ZNF28: variants seen among roughly 807,000 people sequenced by gnomAD.
ZNF28 encodes the protein zinc finger protein 28, also known as zinc finger protein KOX24.
Under a neutral mutation model 7.2 loss-of-function variants are expected in ZNF28, and 5 were observed. That is an observed-to-expected ratio of 0.70 (90% confidence interval 0.36 to 1.46). ZNF28 has a LOEUF of 1.46. Among genes scored for constraint, ZNF28 ranks in the 40% most tolerant of loss-of-function variants. ZNF28 has a pLI of 0.03. For synonymous variants in ZNF28, 288 were observed against 292.4 expected, an observed-to-expected ratio of 0.99 and a Z score of 0.15; for missense variants, 879 against 866.6, an observed-to-expected ratio of 1.01 and a Z score of -0.18.
In ZNF28 at chr19:52,801,016, C is replaced by T. The variant is rs1413481944; in HGVS notation, c.829G>A (p.Gly277Ser). The T allele has an allele frequency of 2.5e-6, 4 of 1,614,004 alleles. No individual in the cohort carries two copies. The East Asian group carries it at 6.7e-5, about 27-fold the overall frequency. The change falls in exon 4 of 4, where the codon GGC becomes AGC. Residue 277 changes from glycine to serine, a missense_variant. By Grantham distance (56) the Gly-to-Ser change is moderately conservative (BLOSUM62 0). Transcript: ENST00000457749. ...GATGTATTGTGACCAAAGATCTTGC[C>T]ACACTCATTACACTTGTAAGGTTTC... ...DEKPYKCNEC[G>S]KIFGHNTSLF...
In ZNF28 at chr19:52,801,062, A is replaced by G; in HGVS notation, c.783T>C (p.His261=). Residue 261 remains histidine, a synonymous_variant, in exon 4 of 4, where the codon CAT becomes CAC. Coordinates refer to ENST00000457749, the MANE Select transcript of ZNF28 (RefSeq NM_006969.5). ...VFNQKRYLAC[H]RRSHIDEKPY... ...GTTTCTCATCAATGTGAGATCTACG[A>G]TGGCATGCAAGGTATCGCTTCTGAT... The G allele has an allele frequency of 6.2e-7, 1 of 1,614,172 alleles. No homozygotes were observed. Among genetic ancestry groups the G allele is most frequent in the Non-Finnish European group, 8.5e-7 (1 of 1,180,032 alleles).
Position 52,815,641 on chromosome 19 carries a change from A to G in ZNF28, c.15+2303T>C, listed in dbSNP as rs997237993. Among the ~76,000 whole-genome samples, 59 of 146,316 alleles carry G rather than the reference A, an allele frequency of 4.0e-4. 5 individuals are homozygous for G. Among genetic ancestry groups the G allele is most frequent in the Middle Eastern group, 3.4e-3 (1 of 290 alleles). On this transcript the variant is annotated intron_variant, in intron 2 of 3. Coordinates refer to ENST00000457749, the MANE Select transcript of ZNF28 (RefSeq NM_006969.5). ...AGATCGAGACCATCCTGGCTACCAC[A>G]ATGAAACCCCATCTCTACTAAAAAT...
rs371207217 is a variant in ZNF28 at position 52,798,578 on chromosome 19, C to T, written c.*1110G>A. 2.7e-5 allele frequency: 13 copies of T among 486,296 alleles called. No individual in the cohort carries two copies. The highest frequency in any genetic ancestry group is 4.6e-5 in the Non-Finnish European group (11 of 238,298). The allele number at this position is 486,296 out of a possible 1,614,324, so 30.1% of individuals were successfully genotyped here. A position where few individuals can be genotyped will look rare whatever the true frequency, so the allele number is the denominator to read the frequency against. ...TATTGAGGTGTGAATGTGAAGTAAA[C>T]GCTTTGCCACAATCATCACACTTGT... On this transcript the variant is annotated 3_prime_UTR_variant, in exon 4 of 4. Coordinates refer to ENST00000457749, the MANE Select transcript of ZNF28 (RefSeq NM_006969.5).
Position 52,799,171 on chromosome 19 carries a change from A to G in ZNF28, c.*517T>C. On this transcript the variant is annotated 3_prime_UTR_variant, in exon 4 of 4. Coordinates refer to ENST00000457749, the MANE Select transcript of ZNF28 (RefSeq NM_006969.5). Reference sequence around the variant, plus strand: ...GACTGTTGATTAAAAACTATGCCACATTCATTACACTTGTAGGGTTTCTCT... The same window carrying G: ...GACTGTTGATTAAAAACTATGCCACGTTCATTACACTTGTAGGGTTTCTCT... The G allele has an allele frequency of 4.9e-6, 2 of 412,342 alleles. No homozygotes were observed. The highest frequency in any genetic ancestry group is 9.4e-6 in the Non-Finnish European group (2 of 213,232). 25.5% of individuals were successfully genotyped at this position (412,342 alleles called of 1,614,324 possible). A position where few individuals can be genotyped will look rare whatever the true frequency, so the allele number is the denominator to read the frequency against.
intron 3 of ZNF28, 200 bp downstream of exon 3, chr19:52,807,807 G>A: frequency 1.1e-6 from 1 of 940,106 alleles, no homozygotes; most frequent in Non-Finnish European, 1.5e-6. Flanking sequence ...TTTACTTCTG[G>A]AAGCTCCACT....
intron 3 of ZNF28, among the ~76,000 whole-genome samples, chr19:52,804,620 C>T (rs2062913818): frequency 6.6e-6 from 1 of 152,172 alleles, no homozygotes; most frequent in Non-Finnish European, 1.5e-5. Flanking sequence ...ATCAACCGAT[C>T]GCAGTCTCCC....
Position 52,800,417 on chromosome 19 carries a change from G to C in ZNF28, c.1428C>G (p.Phe476Leu), listed in dbSNP as rs774625207. 1.2e-6 allele frequency: 2 copies of C among 1,613,318 alleles called. No individual in the cohort carries two copies. Among genetic ancestry groups the C allele is most frequent in the African/African-American group, 2.7e-5 (2 of 74,776 alleles). The stretch of plus-strand genomic sequence containing the variant: ...GTCTTTCAAGGTGTGATTTGCACCT[G>C]AAAACTTTGTCACATTCTTCACATT... ...PYKCEECDKV[F>L]RCKSHLERHR... The change falls in exon 4 of 4, where the codon TTC becomes TTG. Residue 476 changes from phenylalanine (F) to leucine (L), a missense_variant. Phe to Leu is a conservative substitution (Grantham distance 22). Around this residue, in one of 2 missense-constraint regions of ZNF28, gnomAD observed 864 missense variants for 830.2 expected, o/e 1.04. Transcript: ENST00000457749.
chr19:52,800,042 A>G lies in ZNF28; in HGVS notation c.1803T>C (p.His601=), dbSNP rs190362562. Residue 601 remains histidine, a synonymous_variant, in exon 4 of 4, where the codon CAT becomes CAC. Coordinates refer to ENST00000457749, the MANE Select transcript of ZNF28 (RefSeq NM_006969.5). ...DSHLAQHQRV[H]TGEKPYKCNE... ...TACACTTGTAAGGTTTCTCTCCAGT[A>G]TGAACTCTCTGATGTTGTGCCAGGT... The G allele has an allele frequency of 1.9e-5, 30 of 1,614,100 alleles. No individual in the cohort carries two copies. In the Admixed American group the frequency reaches 4.5e-4, roughly 24 times the overall value.
At chr19:52,821,105 G>A (rs2063191811) in intron 1 of ZNF28, among the ~76,000 whole-genome samples, 1 of 152,142 alleles carries the variant, frequency 6.6e-6, no homozygotes, top group Middle Eastern at 3.2e-3. Flanking sequence ...CTGGGGAGCA[G>A]CAGGGCCCAG....
chr19:52,801,100 C>T lies in ZNF28; in HGVS notation c.745G>A (p.Gly249Ser). The stretch of plus-strand genomic sequence containing the variant: ...TATCGCTTCTGATTAAATACCTTGC[C>T]ATATACATCACATTTACATTGTTTC... ...EEKQCKCDVY[G>S]KVFNQKRYLA... Residue 249 changes from glycine (G) to serine (S), a missense_variant, in exon 4 of 4, where the codon GGC becomes AGC. By Grantham distance (56) the Gly-to-Ser change is moderately conservative (BLOSUM62 0). This residue lies in a region of ZNF28 where 864 missense variants were observed against 830.2 expected (regional missense o/e 1.04). Transcript: ENST00000457749. 1.2e-6 allele frequency: 2 copies of T among 1,614,036 alleles called. No homozygotes were observed. Among genetic ancestry groups the T allele is most frequent in the South Asian group, 1.1e-5 (1 of 91,060 alleles).
rs992344013 is a variant in ZNF28, at chr19:52,807,910, G to A, written c.142+97C>T. On this transcript the variant is annotated intron_variant, in intron 3 of 3. Coordinates refer to ENST00000457749, the MANE Select transcript of ZNF28 (RefSeq NM_006969.5). ...AAGCTTTTCATTTCAAAATCAATACGGCTTCCATTTTAGTCAAGTAAGGAT... is the reference window on the plus strand; with the variant it reads ...AAGCTTTTCATTTCAAAATCAATACAGCTTCCATTTTAGTCAAGTAAGGAT... The A allele has an allele frequency of 4.9e-5, 76 of 1,564,290 alleles. 1 individual carries two copies. Among genetic ancestry groups the A allele is most frequent in the African/African-American group, 2.0e-4 (15 of 73,196 alleles).
In ZNF28 at chr19:52,798,720, T is replaced by C. The variant is rs2062826267; in HGVS notation, c.*968A>G. On this transcript the variant is annotated 3_prime_UTR_variant, in exon 4 of 4. Transcript: ENST00000457749. ...TCTCCAGCATGAGTTCGATGATGAA[T>C]AGCAATATATGAACGATATCTGAAA... 2 of 478,024 alleles carry C rather than the reference T, an allele frequency of 4.2e-6. No homozygotes were observed. Among genetic ancestry groups the C allele is most frequent in the Admixed American group, 2.5e-5 (1 of 39,542 alleles). 29.6% of individuals were successfully genotyped at this position (478,024 alleles called of 1,614,324 possible).
rs1328465388 is a variant in ZNF28 at position 52,816,156 on chromosome 19, C to A, written c.15+1788G>T. On this transcript the variant is annotated intron_variant, in intron 2 of 3. Transcript: ENST00000457749. The stretch of plus-strand genomic sequence containing the variant: ...TTATGGCAAAGGGTCTAAGCTGCAG[C>A]TTTGCTTGGAGTTTTACCACAAAAT... 2.0e-5 allele frequency among the ~76,000 whole-genome samples: 3 copies of A among 147,002 alleles called. 1 individual carries two copies. In the Admixed American group the frequency reaches 2.1e-4, roughly 10 times the overall value.
At chr19:52,810,531 G>A (rs549777958) in intron 2 of ZNF28, 61 of 1,596,808 alleles carry the variant, frequency 3.8e-5, no homozygotes, top group South Asian at 1.7e-4. Flanking sequence ...ATCCCAAAGC[G>A]AACCAACAGA....
chr19:52,802,761 C>CTT lies in ZNF28; in HGVS notation c.143-1061_143-1060dup, dbSNP rs11347464. Among the ~76,000 whole-genome samples, 137 of 127,570 alleles carry CTT rather than the reference C, an allele frequency of 1.1e-3. 1 individual carries two copies. The highest frequency in any genetic ancestry group is 3.9e-3 in the African/African-American group (132 of 33,810). 83.7% of individuals were successfully genotyped at this position (127,570 alleles called of 152,430 possible). A position where few individuals can be genotyped will look rare whatever the true frequency, so the allele number is the denominator to read the frequency against. On this transcript the variant is annotated intron_variant, in intron 3 of 3. Coordinates refer to ENST00000457749, the MANE Select transcript of ZNF28 (RefSeq NM_006969.5). ...TCCATGTGGAACAGGCACGTTGTGA[C>CTT]TTTTTTTTTTTTTTTTTGCGACGAA... is the stretch of plus-strand genomic sequence containing the variant.
Position 52,819,739 on chromosome 19 carries a change from C to T in ZNF28, c.-73-1708G>A, listed in dbSNP as rs112181154. The stretch of plus-strand genomic sequence containing the variant: ...CCCATCCTTAAAATTAGAGAAGCAT[C>T]TTTCACATGCCTGGGTTAAAGAAAA... On this transcript the variant is annotated intron_variant, in intron 1 of 3. Transcript: ENST00000457749. 3.5e-3 allele frequency among the ~76,000 whole-genome samples: 482 copies of T among 139,218 alleles called. 15 individuals are homozygous for T. The highest frequency in any genetic ancestry group is 0.013 in the African/African-American group (423 of 32,132). 91.3% of individuals were successfully genotyped at this position (139,218 alleles called of 152,430 possible).
intron 3 of ZNF28, chr19:52,807,781 A>G (rs1008066902): frequency 2.7e-5 from 21 of 784,144 alleles, no homozygotes; most frequent in Non-Finnish European, 3.4e-5. Flanking sequence ...AGGCTGCCAT[A>G]AAGTTTTATG....
chr19:52,817,528 T>C (rs544972095), intron 2 of ZNF28, among the ~76,000 whole-genome samples: 1 of 152,220 alleles, frequency 6.6e-6, no homozygotes, highest in East Asian at 1.9e-4. Context: ...GATTTTCCCT[T>C]ATTGGTCTCC....
intron 2 of ZNF28, among the ~76,000 whole-genome samples, chr19:52,811,000 C>T (rs2063025448): frequency 1.4e-5 from 2 of 145,718 alleles, no homozygotes; most frequent in East Asian, 2.1e-4. Flanking sequence ...CCTGATTCTC[C>T]TGCCTCAGCC....
Sources: allele counts gnomAD v4.1 joint callset (sites outside exome capture counted in the v4.1 genomes callset), GRCh38; gene constraint gnomAD v4.1.1; regional missense constraint gnomAD v4.1.1; transcripts MANE v1.5; gene names NCBI Gene and HGNC (gene_info 2026-07-23, HGNC 2026-07-21).